The following ARHGAP18 variants were observed in gnomAD, a reference collection of about 807,000 sequenced individuals.
ARHGAP18 encodes the protein Rho GTPase activating protein 18.
A neutral mutation model predicts 86.2 loss-of-function variants in ARHGAP18; 67 were observed. The observed-to-expected ratio is 0.78, with a 90% CI of 0.64 to 0.95. The LOEUF (loss-of-function observed/expected upper bound fraction) is 0.95, where lower values mean the gene tolerates loss of function less well. ARHGAP18 is among the 40% of genes least tolerant of loss of function. The pLI, the probability that ARHGAP18 is intolerant of heterozygous loss-of-function variation, is 0.00. For missense variants in ARHGAP18, 691 were observed against 780.4 expected (o/e 0.89, Z 1.37); for synonymous variants, 283 against 280.4 (o/e 1.01, Z -0.09).
chr6:129,591,851 C>T (rs1371242486), intron 12 of ARHGAP18, among the ~76,000 whole-genome samples: 1 of 152,106 alleles, frequency 6.6e-6, no homozygotes, highest in Non-Finnish European at 1.5e-5. Context: ...TAAACAGGGA[C>T]ATTTTAGCAA....
intron 10 of ARHGAP18, 101 bp from the exon 11 acceptor site, chr6:129,600,949 G>A: frequency 9.9e-7 from 1 of 1,007,504 alleles, no homozygotes; most frequent in Non-Finnish European, 1.4e-6. Flanking sequence ...AAAACAAGTT[G>A]TGTATAAGCA....
At chr6:129,642,330 G>T (rs968344889) in intron 1 of ARHGAP18, among the ~76,000 whole-genome samples, 2 of 152,114 alleles carry the variant, frequency 1.3e-5, no homozygotes, top group African/African-American at 4.8e-5. Flanking sequence ...TGTTGCCAAG[G>T]TTTGAGTGCA....
intron 1 of ARHGAP18, among the ~76,000 whole-genome samples, chr6:129,689,571 T>C (rs1774489691): frequency 6.6e-6 from 1 of 152,080 alleles, no homozygotes. Flanking sequence ...GAAATGGGCA[T>C]GTATTGTTTT....
intron 12 of ARHGAP18, among the ~76,000 whole-genome samples, chr6:129,585,712 G>A (rs974272792): frequency 6.6e-6 from 1 of 152,178 alleles, no homozygotes; most frequent in South Asian, 2.1e-4. Flanking sequence ...AAGCCTTCCA[G>A]GGCCTTACAC....
rs150103648 is a variant in ARHGAP18, at chr6:129,704,782, T to C, written c.113+5242A>G. Among the ~76,000 whole-genome samples, 575 of 152,276 alleles carry C rather than the reference T, an allele frequency of 3.8e-3. 2 individuals are homozygous for C. Among genetic ancestry groups the C allele is most frequent in the African/African-American group, 0.013 (555 of 41,544 alleles). ...GAGGGACCTTTTAAATGTGCTCTCT[T>C]CCTCCACTGCTCAAAACCCACTCCC... On this transcript the variant is annotated intron_variant, in intron 1 of 14. Coordinates refer to ENST00000368149, the MANE Select transcript of ARHGAP18 (RefSeq NM_033515.3).
At chr6:129,700,655 A>T (rs1006680166) in intron 1 of ARHGAP18, among the ~76,000 whole-genome samples, 2 of 152,234 alleles carry the variant, frequency 1.3e-5, no homozygotes, top group Non-Finnish European at 2.9e-5. Context: ...ACTGCCCTTT[A>T]TCATCATCGA....
intron 2 of ARHGAP18, among the ~76,000 whole-genome samples, chr6:129,640,175 TAAAC>T (rs1387555274): frequency 6.9e-6 from 1 of 145,304 alleles, no homozygotes; most frequent in Non-Finnish European, 1.5e-5. Flanking sequence ...ACAAGGAAAA[TAAAC>T]AAGATTACTA....
intron 1 of ARHGAP18, 21 bp from the exon 2 acceptor site, chr6:129,642,039 A>G (rs777050092): frequency 8.7e-6 from 14 of 1,608,880 alleles, no homozygotes; most frequent in Non-Finnish European, 1.1e-5. Context: ...AAAAGAACCC[A>G]TGGTTTATTT....
At chr6:129,699,106 G>A (rs537407377) in intron 1 of ARHGAP18, among the ~76,000 whole-genome samples, 9 of 152,118 alleles carry the variant, frequency 5.9e-5, no homozygotes, top group Non-Finnish European at 1.0e-4. Context: ...CAAAGTGCTG[G>A]GATTCACAGG....
intron 1 of ARHGAP18, among the ~76,000 whole-genome samples, chr6:129,700,700 A>G (rs995005263): frequency 1.3e-5 from 2 of 152,232 alleles, no homozygotes; most frequent in African/African-American, 4.8e-5. Context: ...TCATGTAAGT[A>G]TGTTACATAT....
At chr6:129,695,264 T>A (rs1316708678) in intron 1 of ARHGAP18, among the ~76,000 whole-genome samples, 1 of 91,702 alleles carries the variant, frequency 1.1e-5, no homozygotes, top group Non-Finnish European at 2.2e-5. Flanking sequence ...CAGTAAACTA[T>A]TTTTTTTTCC....
chr6:129,706,203 AAC>A, intron 1 of ARHGAP18, among the ~76,000 whole-genome samples: 1 of 152,354 alleles, frequency 6.6e-6, no homozygotes, highest in East Asian at 1.9e-4. Flanking sequence ...GAATAGACAA[AAC>A]ACAATATTCT....
rs539219840 is a variant in ARHGAP18 at position 129,610,033 on chromosome 6, G to A, written c.1122+1500C>T. On this transcript the variant is annotated intron_variant, in intron 8 of 14. Transcript: ENST00000368149. ...AGCTCTAACGATTTCATAAAGAATG[G>A]GGTTATGAAAATGAAGAGAGATTCT... 3.0e-3 allele frequency among the ~76,000 whole-genome samples: 461 copies of A among 152,228 alleles called. 1 individual carries two copies. The highest frequency in any genetic ancestry group is 4.5e-3 in the Non-Finnish European group (305 of 68,014).
chr6:129,698,354 T>C (rs1774655908), intron 1 of ARHGAP18, among the ~76,000 whole-genome samples: 1 of 152,208 alleles, frequency 6.6e-6, no homozygotes. Flanking sequence ...AATTTTATGC[T>C]GTTCAATCAA....
chr6:129,699,369 G>A (rs1159865307), intron 1 of ARHGAP18, among the ~76,000 whole-genome samples: 1 of 152,122 alleles, frequency 6.6e-6, no homozygotes, highest in East Asian at 1.9e-4. Flanking sequence ...TTGTACTAAA[G>A]TAAGATAAAA....
chr6:129,623,850 C>T (rs1450921860), intron 5 of ARHGAP18, among the ~76,000 whole-genome samples: 1 of 152,144 alleles, frequency 6.6e-6, no homozygotes, highest in African/African-American at 2.4e-5. Context: ...AAGGTGATTT[C>T]ATATATTTAT....
At chr6:129,655,756 A>G (rs1773823046) in intron 1 of ARHGAP18, among the ~76,000 whole-genome samples, 1 of 152,262 alleles carries the variant, frequency 6.6e-6, no homozygotes, top group Non-Finnish European at 1.5e-5. Context: ...TACGCCAACC[A>G]ATCTAATAGA....
At chr6:129,682,264 G>A (rs761800373) in intron 1 of ARHGAP18, among the ~76,000 whole-genome samples, 2 of 152,190 alleles carry the variant, frequency 1.3e-5, no homozygotes, top group Non-Finnish European at 2.9e-5. Flanking sequence ...CAGGGTCACA[G>A]AAGAAATAAC....
chr6:129,675,300 C>T (rs1392175803), intron 1 of ARHGAP18, among the ~76,000 whole-genome samples: 1 of 149,338 alleles, frequency 6.7e-6, no homozygotes, highest in South Asian at 2.1e-4. Context: ...AGGAGAATGG[C>T]GGGAACCCGG....
Sources: gnomAD v4.1 joint callset for allele counts (sites outside exome capture counted in the v4.1 genomes callset) on GRCh38, gnomAD v4.1.1 for gene constraint, MANE v1.5 for transcripts, NCBI Gene and HGNC (gene_info 2026-07-23, HGNC 2026-07-21) for gene names.